MACROD2: variants seen among roughly 807,000 people sequenced by gnomAD.
MACROD2 encodes the protein mono-ADP ribosylhydrolase 2, also known as ADP-ribose glycohydrolase MACROD2.
Under a neutral mutation model 70.4 loss-of-function variants are expected in MACROD2, and 36 were observed. The ratio of observed to expected loss-of-function variants is 0.51; its 90% CI spans 0.39 to 0.68. MACROD2 has a LOEUF of 0.68. MACROD2 is among the 30% of genes least tolerant of loss of function. The pLI, the probability that MACROD2 is intolerant of heterozygous loss-of-function variation, is 0.00. For missense variants in MACROD2, 496 were observed against 538.4 expected, an observed-to-expected ratio of 0.92 and a Z score of 0.78; for synonymous variants, 172 against 178.8, an observed-to-expected ratio of 0.96 and a Z score of 0.30.
intron 8 of MACROD2, among the ~76,000 whole-genome samples, chr20:15,772,101 A>AAAAAAAAAAAAAAAAAAAATAT (rs1555777716): frequency 1.1e-5 from 1 of 91,440 alleles, no homozygotes. Context: ...AAAAAAAAAA[A>AAAAAAAAAAAAAAAAAAAATAT]ATATATATAT....
intron 8 of MACROD2, among the ~76,000 whole-genome samples, chr20:15,580,673 T>C (rs1436533831): frequency 6.6e-6 from 1 of 152,180 alleles, no homozygotes; most frequent in Non-Finnish European, 1.5e-5. Flanking sequence ...GAAGGTTTGC[T>C]GAAAATCAAC....
At chr20:14,875,919 C>T (rs1469674844) in intron 5 of MACROD2, among the ~76,000 whole-genome samples, 1 of 152,088 alleles carries the variant, frequency 6.6e-6, no homozygotes, top group Admixed American at 6.6e-5. Flanking sequence ...CATGTCTTTG[C>T]TATTGTGAAT....
intron 6 of MACROD2, among the ~76,000 whole-genome samples, chr20:15,267,251 C>A (rs914207174): frequency 6.6e-6 from 1 of 152,306 alleles, no homozygotes; most frequent in South Asian, 2.1e-4. Context: ...AAGACTTTCC[C>A]AAGTCTCACC....
intron 3 of MACROD2, among the ~76,000 whole-genome samples, chr20:14,152,553 A>G (rs1197025711): frequency 6.6e-6 from 1 of 151,226 alleles, no homozygotes; most frequent in African/African-American, 2.4e-5. Flanking sequence ...CATCCTCTTG[A>G]GTAGCTGGAA....
At chr20:14,015,048 G>C (rs574600341) in intron 2 of MACROD2, among the ~76,000 whole-genome samples, 3 of 149,864 alleles carry the variant, frequency 2.0e-5, no homozygotes, top group Non-Finnish European at 4.4e-5. Context: ...TCAAGCAATT[G>C]GCCATTCAAA....
At chr20:14,241,418 TAAC>T (rs1569223171) in intron 3 of MACROD2, among the ~76,000 whole-genome samples, 1 of 152,108 alleles carries the variant, frequency 6.6e-6, no homozygotes, top group Non-Finnish European at 1.5e-5. Context: ...AATTTTATGA[TAAC>T]AACATGAACC....
intron 6 of MACROD2, among the ~76,000 whole-genome samples, chr20:15,377,737 G>A (rs2045582401): frequency 6.6e-6 from 1 of 152,184 alleles, no homozygotes. Flanking sequence ...CATATACATG[G>A]GAACGAATGC....
intron 5 of MACROD2, among the ~76,000 whole-genome samples, chr20:14,923,831 T>G (rs1162572709): frequency 1.2e-4 from 18 of 145,112 alleles, no homozygotes; most frequent in Non-Finnish European, 1.5e-4. Flanking sequence ...GGTGGAGGGT[T>G]GGGAAAGAGA....
chr20:15,304,684 GAC>G (rs1372136394), intron 6 of MACROD2, among the ~76,000 whole-genome samples: 35 of 152,172 alleles, frequency 2.3e-4, no homozygotes, highest in African/African-American at 8.2e-4. Context: ...GCTCACTGCA[GAC>G]GACCCCTTCC....
chr20:15,469,122 T>C (rs141038587), intron 7 of MACROD2, among the ~76,000 whole-genome samples: 1 of 152,146 alleles, frequency 6.6e-6, no homozygotes. Flanking sequence ...ATACGTTCTG[T>C]GAGGAATTAA....
chr20:15,808,276 C>G (rs958861647), intron 8 of MACROD2, among the ~76,000 whole-genome samples: 4 of 152,142 alleles, frequency 2.6e-5, no homozygotes, highest in Admixed American at 2.6e-4. Context: ...TTTTCCTCTT[C>G]TTCATTACTT....
chr20:14,967,690 A>G (rs1230731086), intron 5 of MACROD2, among the ~76,000 whole-genome samples: 1 of 151,888 alleles, frequency 6.6e-6, no homozygotes, highest in African/African-American at 2.4e-5. Context: ...TCCATTTCTT[A>G]TTTTCTTATT....
intron 8 of MACROD2, among the ~76,000 whole-genome samples, chr20:15,554,294 A>G (rs2048137030): frequency 6.6e-6 from 1 of 152,208 alleles, no homozygotes; most frequent in Admixed American, 6.5e-5. Flanking sequence ...TTGCTCCGGT[A>G]TAGTGCTTAA....
At chr20:14,418,032 G>GTCAGCC (rs1254615918) in intron 3 of MACROD2, among the ~76,000 whole-genome samples, 1 of 152,054 alleles carries the variant, frequency 6.6e-6, no homozygotes, top group Non-Finnish European at 1.5e-5. Context: ...GAAAACTTGA[G>GTCAGCC]TCAGCCTCTT....
chr20:15,194,350 CAG>C (rs2076591813), intron 5 of MACROD2, among the ~76,000 whole-genome samples: 1 of 145,352 alleles, frequency 6.9e-6, no homozygotes, highest in Non-Finnish European at 1.5e-5. Context: ...AGTGTTAAAT[CAG>C]AGTTTATTAG....
At chr20:15,922,158 G>A (rs1191306638) in intron 10 of MACROD2, among the ~76,000 whole-genome samples, 1 of 152,210 alleles carries the variant, frequency 6.6e-6, no homozygotes, top group African/African-American at 2.4e-5. Flanking sequence ...ACGATGGCCA[G>A]GGCTTTGACA....
chr20:14,502,638 A>T (rs923635616), intron 4 of MACROD2, among the ~76,000 whole-genome samples: 3 of 152,204 alleles, frequency 2.0e-5, no homozygotes, highest in African/African-American at 7.2e-5. Context: ...TGTCATTATT[A>T]TTAATATTAT....
At chr20:15,364,588 T>C (rs1051775012) in intron 6 of MACROD2, among the ~76,000 whole-genome samples, 1 of 152,208 alleles carries the variant, frequency 6.6e-6, no homozygotes, top group Non-Finnish European at 1.5e-5. Context: ...ATTCAAAACT[T>C]TCTAGGGATT....
At chr20:15,037,452 A>G (rs1247223903) in intron 5 of MACROD2, among the ~76,000 whole-genome samples, 1 of 152,230 alleles carries the variant, frequency 6.6e-6, no homozygotes, top group African/African-American at 2.4e-5. Context: ...TGCCCAGAGC[A>G]GGTACTGCTG....
Sources: allele counts gnomAD v4.1 joint callset (sites outside exome capture counted in the v4.1 genomes callset), GRCh38; gene constraint gnomAD v4.1.1; transcripts MANE v1.5; gene names NCBI Gene and HGNC (gene_info 2026-07-23, HGNC 2026-07-21).